Variants in TTC28 observed in about 807,000 individuals in gnomAD.
TTC28 encodes the protein tetratricopeptide repeat protein 28.
A neutral mutation model predicts 198.0 loss-of-function variants in TTC28; 61 were observed. That is an observed-to-expected ratio of 0.31 (90% CI 0.25 to 0.38). The LOEUF is 0.38. Among genes scored for constraint, TTC28 ranks in the 10% least tolerant of loss-of-function variants. The probability of loss-of-function intolerance (pLI) is 1.00; values close to 1 mark genes in which losing one functional copy is unlikely to be tolerated. For missense variants in TTC28, 2,678 were observed against 3,164.0 expected (o/e 0.85, Z 3.69); for synonymous variants, 1,171 against 1,297.8 (o/e 0.90, Z 2.10).
chr22:28,528,737 T>TAAAAA (rs5844812), intron 2 of TTC28, among the ~76,000 whole-genome samples: 57 of 89,908 alleles, frequency 6.3e-4, no homozygotes, highest in Non-Finnish European at 1.0e-3. Context: ...CCCTGTCTCA[T>TAAAAA]AAAAAAAAAA....
chr22:28,039,709 C>T (rs1939532535), intron 12 of TTC28, among the ~76,000 whole-genome samples: 1 of 151,970 alleles, frequency 6.6e-6, no homozygotes, highest in African/African-American at 2.4e-5. Flanking sequence ...AATTCAAAAG[C>T]TAGCAGAAGG....
chr22:28,158,353 C>G lies in TTC28; in HGVS notation c.1441+4739G>C, dbSNP rs964279891. Among the ~76,000 whole-genome samples, 34 of 152,086 alleles carry G rather than the reference C, an allele frequency of 2.2e-4. 1 individual carries two copies. The highest frequency in any genetic ancestry group is 2.1e-3 in the Admixed American group (32 of 15,276). On this transcript the variant is annotated intron_variant, in intron 6 of 22. Coordinates refer to ENST00000397906, the MANE Select transcript of TTC28 (RefSeq NM_001145418.2). ...TACTACCCAAAGCAATCTATAGATTCAATGCAATCCATATCAAAACACCAA... is the reference window on the plus strand; with the variant it reads ...TACTACCCAAAGCAATCTATAGATTGAATGCAATCCATATCAAAACACCAA...
At chr22:28,278,536 A>G (rs1357723044) in intron 5 of TTC28, among the ~76,000 whole-genome samples, 1 of 152,166 alleles carries the variant, frequency 6.6e-6, no homozygotes, top group Non-Finnish European at 1.5e-5. Flanking sequence ...TAGGCTTCCT[A>G]TTTTTCAGGA....
chr22:28,036,735 T>C (rs1258841200), intron 12 of TTC28, among the ~76,000 whole-genome samples: 1 of 152,100 alleles, frequency 6.6e-6, no homozygotes, highest in Non-Finnish European at 1.5e-5. Context: ...CAGGAGCTGG[T>C]TTTTTGGAAG....
At chr22:28,627,652 A>C (rs977430679) in intron 2 of TTC28, among the ~76,000 whole-genome samples, 1 of 151,884 alleles carries the variant, frequency 6.6e-6, no homozygotes, top group African/African-American at 2.4e-5. Context: ...GGCTGGTCTC[A>C]AACTCCTGAC....
Position 27,982,265 on chromosome 22 carries a change from T to A in TTC28, c.7402A>T (p.Lys2468Ter). 2.7e-6 allele frequency: 4 copies of A among 1,475,176 alleles called. No homozygotes were observed. Among genetic ancestry groups the A allele is most frequent in the African/African-American group, 1.4e-5 (1 of 70,146 alleles). The allele number at this position is 1,475,176 out of a possible 1,614,324, so 91.4% of individuals were successfully genotyped here. A position where few individuals can be genotyped will look rare whatever the true frequency, so the allele number is the denominator to read the frequency against. The change falls in exon 23 of 23, where the codon AAG becomes TAG. Residue 2468 changes from lysine (K) to a stop codon, truncating the protein, a stop_gained. Transcript: ENST00000397906. LOFTEE classifies it high-confidence loss of function. This position sits in a 1 kb window ranked among gnomAD's most constrained non-coding sequence, Gnocchi z 5.2. ...AAAAATCTTCCTGGAGACAGGAACT[T>A]GTAGCCATTTCCAGAAGGAAGCCTC... ...PLRLPSGNGY[K>*]FLSPGRFFPS...
chr22:28,030,893 A>G (rs1029570663), intron 12 of TTC28, among the ~76,000 whole-genome samples: 1 of 152,242 alleles, frequency 6.6e-6, no homozygotes, highest in Admixed American at 6.5e-5. Context: ...GGAGACAAAC[A>G]TGCTGACAAG....
intron 2 of TTC28, among the ~76,000 whole-genome samples, chr22:28,621,547 A>G (rs2050996932): frequency 6.6e-6 from 1 of 151,246 alleles, no homozygotes. Flanking sequence ...AGACCCTACC[A>G]CTAAAAAAAA....
chr22:28,354,297 T>C lies in TTC28; in HGVS notation c.382-47654A>G, dbSNP rs923298785. The stretch of plus-strand genomic sequence containing the variant: ...ACCCAAGTATCCATCATCAAATACA[T>C]AGATGAATACAATGTGGTATGTACA... On this transcript the variant is annotated intron_variant, in intron 2 of 22. Transcript: ENST00000397906. Among the ~76,000 whole-genome samples the C allele has an allele frequency of 2.0e-5, 3 of 152,104 alleles. No individual in the cohort carries two copies. The South Asian group carries it at 6.2e-4, about 31-fold the overall frequency.
intron 12 of TTC28, among the ~76,000 whole-genome samples, chr22:28,083,674 G>A (rs1024330966): frequency 3.3e-5 from 5 of 152,208 alleles, no homozygotes; most frequent in Non-Finnish European, 1.5e-5. Context: ...GCAGGACAGC[G>A]GGTGCAGCGC....
chr22:28,369,292 T>C (rs2046293495), intron 2 of TTC28, among the ~76,000 whole-genome samples: 1 of 152,056 alleles, frequency 6.6e-6, no homozygotes, highest in Non-Finnish European at 1.5e-5. Context: ...TACAATAAAC[T>C]CATTTTCAAC....
At chr22:28,169,565 C>T (rs896809904) in intron 5 of TTC28, among the ~76,000 whole-genome samples, 1 of 152,102 alleles carries the variant, frequency 6.6e-6, no homozygotes, top group African/African-American at 2.4e-5. Context: ...CAAACTATCG[C>T]AAGGACAAAA....
chr22:28,418,333 C>T (rs1050379436), intron 2 of TTC28, among the ~76,000 whole-genome samples: 17 of 152,178 alleles, frequency 1.1e-4, no homozygotes, highest in South Asian at 4.1e-4. Context: ...CCCCCAATGA[C>T]GGCAGTTGAA....
intron 5 of TTC28, among the ~76,000 whole-genome samples, chr22:28,224,959 G>T (rs538040742): frequency 1.3e-5 from 2 of 152,162 alleles, no homozygotes; most frequent in Non-Finnish European, 2.9e-5. Context: ...CCCAATGTTA[G>T]TAAGAACCAG....
chr22:28,255,662 TA>T (rs995559497), intron 5 of TTC28, among the ~76,000 whole-genome samples: 1 of 141,204 alleles, frequency 7.1e-6, no homozygotes, highest in Non-Finnish European at 1.5e-5. Flanking sequence ...GCCTGGGCAA[TA>T]AGAGCAAAAC....
At chr22:28,281,092 T>C (rs2044574183) in intron 5 of TTC28, among the ~76,000 whole-genome samples, 1 of 152,190 alleles carries the variant, frequency 6.6e-6, no homozygotes, top group Non-Finnish European at 1.5e-5. Context: ...ATTTATGCTG[T>C]TTGAGAGTAG....
intron 12 of TTC28, among the ~76,000 whole-genome samples, chr22:28,089,458 G>A (rs1941737941): frequency 1.4e-5 from 2 of 142,628 alleles, no homozygotes; most frequent in South Asian, 4.4e-4. Context: ...GGTGGGAATT[G>A]AACAATGAGA....
intron 5 of TTC28, among the ~76,000 whole-genome samples, chr22:28,216,387 C>T (rs544769290): frequency 6.6e-6 from 1 of 152,096 alleles, no homozygotes; most frequent in Admixed American, 6.6e-5. Context: ...TGGCCTGAAC[C>T]TTTGGTGCAC....
chr22:28,063,480 G>A (rs906206867), intron 12 of TTC28, among the ~76,000 whole-genome samples: 3 of 152,070 alleles, frequency 2.0e-5, no homozygotes, highest in African/African-American at 7.2e-5. Context: ...TGTCCTTTAG[G>A]ACCTTGTGTT....
Sources: gnomAD v4.1 joint callset for allele counts (sites outside exome capture counted in the v4.1 genomes callset) on GRCh38, gnomAD v4.1.1 for gene constraint, Gnocchi (gnomAD v3.1) non-coding constraint, MANE v1.5 for transcripts, NCBI Gene and HGNC (gene_info 2026-07-23, HGNC 2026-07-21) for gene names.